Variants in DPP10 observed in about 807,000 individuals in gnomAD.
DPP10 encodes inactive dipeptidyl peptidase 10.
Under a neutral mutation model 120.9 loss-of-function variants are expected in DPP10, and 33 were observed. The observed-to-expected ratio is 0.27, with a 90% confidence interval of 0.21 to 0.37. The LOEUF is 0.37. Ranked by LOEUF, DPP10 falls within the 10% of genes least tolerant of loss-of-function variation. DPP10 has a pLI of 1.00. For missense variants in DPP10, 816 were observed against 942.8 expected (o/e 0.87, Z 1.76); for synonymous variants, 337 against 326.1 (o/e 1.03, Z -0.36).
intron 1 of DPP10, among the ~76,000 whole-genome samples, chr2:114,573,917 A>G (rs148766388): frequency 6.6e-6 from 1 of 152,302 alleles, no homozygotes; most frequent in East Asian, 1.9e-4. Context: ...ATCCTTTGCT[A>G]GGACATCTCC....
chr2:114,662,272 A>C (rs972110613), intron 1 of DPP10, among the ~76,000 whole-genome samples: 1 of 152,190 alleles, frequency 6.6e-6, no homozygotes, highest in Non-Finnish European at 1.5e-5. Context: ...AGAAACCCGA[A>C]GGAGTAAAGA....
chr2:115,383,735 T>G (rs755524796), intron 3 of DPP10, among the ~76,000 whole-genome samples: 1 of 151,960 alleles, frequency 6.6e-6, no homozygotes, highest in African/African-American at 2.4e-5. Flanking sequence ...TAAATATATT[T>G]AATAATTTGA....
At chr2:115,742,453 A>C (rs1426690320) in intron 9 of DPP10, among the ~76,000 whole-genome samples, 1 of 152,158 alleles carries the variant, frequency 6.6e-6, no homozygotes. Flanking sequence ...AACTACCATT[A>C]ATATTTATTA....
chr2:114,538,627 T>C (rs778497709), intron 1 of DPP10, among the ~76,000 whole-genome samples: 4 of 152,200 alleles, frequency 2.6e-5, no homozygotes, highest in Non-Finnish European at 5.9e-5. Context: ...TTAGTGAGGG[T>C]AAGTTAGGCT....
intron 3 of DPP10, among the ~76,000 whole-genome samples, chr2:115,459,704 T>C (rs961287874): frequency 2.0e-5 from 3 of 151,940 alleles, no homozygotes; most frequent in African/African-American, 4.8e-5. Context: ...AACATCAAAA[T>C]TGTGAGAAAC....
chr2:114,585,944 T>C (rs1342532192), intron 1 of DPP10, among the ~76,000 whole-genome samples: 5 of 152,180 alleles, frequency 3.3e-5, no homozygotes, highest in South Asian at 2.1e-4. Context: ...GAGGAATTCA[T>C]AACATATAAA....
chr2:114,668,066 A>G (rs998946095), intron 1 of DPP10, among the ~76,000 whole-genome samples: 3 of 151,980 alleles, frequency 2.0e-5, no homozygotes, highest in Non-Finnish European at 4.4e-5. Context: ...CTTATAAAGT[A>G]TTGGTCCTGA....
At chr2:114,857,971 A>AT (rs901360567) in intron 1 of DPP10, among the ~76,000 whole-genome samples, 12 of 151,952 alleles carry the variant, frequency 7.9e-5, no homozygotes, top group Non-Finnish European at 1.3e-4. Context: ...GCTACTTGGC[A>AT]TTTTTTTGTT....
At chr2:115,496,783 G>A (rs2076417601) in intron 3 of DPP10, among the ~76,000 whole-genome samples, 1 of 152,086 alleles carries the variant, frequency 6.6e-6, no homozygotes, top group African/African-American at 2.4e-5. Context: ...TTGCAGTAAA[G>A]AAGAGTTTCA....
intron 1 of DPP10, among the ~76,000 whole-genome samples, chr2:115,033,411 C>T (rs775489340): frequency 1.3e-5 from 2 of 152,100 alleles, no homozygotes; most frequent in African/African-American, 2.4e-5. Flanking sequence ...TTAGTGGCTC[C>T]TTTTGCTCAG....
chr2:115,103,184 C>CCT (rs2048780430), intron 1 of DPP10, among the ~76,000 whole-genome samples: 1 of 122,154 alleles, frequency 8.2e-6, no homozygotes, highest in South Asian at 2.7e-4. Flanking sequence ...CTGATTCTCT[C>CCT]TTTTTTTTTT....
intron 1 of DPP10, among the ~76,000 whole-genome samples, chr2:115,222,979 G>A (rs1052215776): frequency 6.6e-6 from 1 of 152,096 alleles, no homozygotes; most frequent in African/African-American, 2.4e-5. Flanking sequence ...ATATTTATAA[G>A]ACTATTTGTA....
intron 1 of DPP10, among the ~76,000 whole-genome samples, chr2:114,587,990 A>G (rs562050051): frequency 2.0e-5 from 3 of 152,348 alleles, no homozygotes; most frequent in South Asian, 4.1e-4. Context: ...ACTGCAATCT[A>G]TGCTTTTAAG....
At chr2:115,396,937 G>A (rs971730978) in intron 3 of DPP10, among the ~76,000 whole-genome samples, 71 of 152,042 alleles carry the variant, frequency 4.7e-4, no homozygotes, top group African/African-American at 1.5e-3. Flanking sequence ...CTCCTGTCAC[G>A]CTGAGTAAAC....
In DPP10 at chr2:115,727,853, A is replaced by G; in HGVS notation, c.614A>G (p.Asp205Gly). 1.9e-6 allele frequency: 3 copies of G among 1,604,328 alleles called. No homozygotes were observed. The highest frequency in any genetic ancestry group is 1.7e-5 in the Admixed American group (1 of 57,906). ...GAAAATAATATCTACTATCAACCTG[A>G]TATAAAGAGCAGTTCATTGCGACTG... ...IFENNIYYQP[D>G]IKSSSLRLTS... The change falls in exon 8 of 26, where the codon GAT becomes GGT. Residue 205 changes from aspartate (D) to glycine (G), a missense_variant. Asp to Gly is a moderately conservative substitution (Grantham distance 94). Coordinates refer to ENST00000410059, the MANE Select transcript of DPP10 (RefSeq NM_020868.6).
At chr2:114,617,405 A>G (rs1693754509) in intron 1 of DPP10, among the ~76,000 whole-genome samples, 2 of 152,180 alleles carry the variant, frequency 1.3e-5, no homozygotes, top group Non-Finnish European at 2.9e-5. Flanking sequence ...ACATAAAAAC[A>G]GATACTAAAA....
At chr2:114,689,275 C>T (rs1270814537) in intron 1 of DPP10, among the ~76,000 whole-genome samples, 2 of 151,912 alleles carry the variant, frequency 1.3e-5, no homozygotes, top group South Asian at 2.1e-4. Context: ...TTATTCCCCC[C>T]CAACATTCCA....
intron 19 of DPP10, among the ~76,000 whole-genome samples, chr2:115,812,003 G>T (rs1686699551): frequency 6.6e-6 from 1 of 152,074 alleles, no homozygotes; most frequent in Non-Finnish European, 1.5e-5. Flanking sequence ...TCTAATCATG[G>T]TTTTGTTCAT....
intron 5 of DPP10, among the ~76,000 whole-genome samples, chr2:115,621,421 G>A (rs2084932903): frequency 6.6e-6 from 1 of 152,120 alleles, no homozygotes; most frequent in Non-Finnish European, 1.5e-5. Flanking sequence ...ATACACAGTT[G>A]ACACAAGACA....
Sources: allele counts gnomAD v4.1 joint callset (sites outside exome capture counted in the v4.1 genomes callset), GRCh38; gene constraint gnomAD v4.1.1; transcripts MANE v1.5; gene names NCBI Gene and HGNC (gene_info 2026-07-23, HGNC 2026-07-21).